Variants in ANKRD26 observed in about 807,000 individuals in gnomAD.
ANKRD26 encodes the protein ankyrin repeat domain 26.
Under a neutral mutation model 208.7 loss-of-function variants are expected in ANKRD26, and 141 were observed. The ratio of observed to expected loss-of-function variants is 0.68; its 90% CI spans 0.59 to 0.78. The LOEUF (loss-of-function observed/expected upper bound fraction) is 0.78. Among genes scored for constraint, ANKRD26 ranks in the 30% least tolerant of loss-of-function variants. The pLI is 0.00. For synonymous variants in ANKRD26, 636 were observed against 660.4 expected (o/e 0.96, Z 0.57); for missense variants, 1,889 against 1,938.7 (o/e 0.97, Z 0.48).
At chr10:27,030,530 G>A (rs1464818113) in intron 25 of ANKRD26, 11 of 985,230 alleles carry the variant, frequency 1.1e-5, no homozygotes, top group Admixed American at 6.2e-5. Flanking sequence ...AGGTTATGTC[G>A]TACGGTGTAG....
chr10:27,057,721 G>A (rs111872797), intron 15 of ANKRD26, among the ~76,000 whole-genome samples: 12,178 of 152,132 alleles, frequency 0.08, 627 homozygotes, highest in African/African-American at 0.15. Flanking sequence ...GGTGGATCAC[G>A]AGGTCAAGAG....
chr10:26,951,336 AC>A, the ANKRD26 span, among the ~76,000 whole-genome samples: 1 of 152,038 alleles, frequency 6.6e-6, no homozygotes, highest in Admixed American at 6.6e-5. Context: ...TGGGGTACTT[AC>A]GTTATTTAAT....
rs548630374 is a variant in ANKRD26 at position 26,986,311 on chromosome 10, A to T, written c.490-3498T>A. Among the ~76,000 whole-genome samples the T allele has an allele frequency of 2.6e-5, 4 of 152,366 alleles. No homozygotes were observed. The East Asian group carries it at 5.8e-4, about 22-fold the overall frequency. On this transcript the variant is annotated intron_variant and NMD_transcript_variant, in intron 3 of 5. Transcript: ENST00000674670. ...GAATAAAGACTTAAATGTTAAACCT[A>T]AAACCATAAAAACCCTAGAAGAAAA...
chr10:27,093,708 C>T lies in ANKRD26; in HGVS notation c.334G>A (p.Glu112Lys), dbSNP rs766072180. The change falls in exon 2 of 34, where the codon GAA becomes AAA. Residue 112 changes from glutamate (E) to lysine (K), a missense_variant. Around this residue, in one of 3 missense-constraint regions of ANKRD26, gnomAD observed 1,272 missense variants for 1,273.8 expected, o/e 1.00. Transcript: ENST00000376087. Reference protein sequence around the residue: ...RKCQLNVCDNENRTALMKAVQ... With the variant: ...RKCQLNVCDNKNRTALMKAVQ... ...ACCTTCATCAGAGCTGTCCTGTTTT[C>T]GTTGTCACAGACATTGAGCTGGCAT... The T allele has an allele frequency of 1.5e-5, 24 of 1,614,030 alleles. No individual in the cohort carries two copies. The Admixed American group carries it at 1.5e-4, about 10-fold the overall frequency.
the ANKRD26 span, among the ~76,000 whole-genome samples, chr10:26,965,241 C>G: frequency 0.1 from 15,518 of 152,006 alleles, 1,420 homozygotes; most frequent in East Asian, 0.48. Flanking sequence ...ATACTACAAG[C>G]CTACAGTAAC....
At chr10:27,023,477 C>A (rs1399462839) in intron 28 of ANKRD26, among the ~76,000 whole-genome samples, 1 of 147,960 alleles carries the variant, frequency 6.8e-6, no homozygotes, top group Non-Finnish European at 1.5e-5. Context: ...ACACAAAAAA[C>A]ATCAAGATCA....
At chr10:26,992,250 C>T (rs1191049387) in intron 5 of ANKRD26, among the ~76,000 whole-genome samples, 1 of 152,090 alleles carries the variant, frequency 6.6e-6, no homozygotes, top group African/African-American at 2.4e-5. Context: ...TTCTTTTCCT[C>T]TTACATTTTC....
At chr10:27,077,793 C>A (rs562547477) in intron 7 of ANKRD26, 100 bp from the exon 8 acceptor site, 225 of 1,063,780 alleles carry the variant, frequency 2.1e-4, no homozygotes, top group Non-Finnish European at 3.1e-4. Flanking sequence ...TGATCTAACA[C>A]AAAGAACAAA....
At chr10:27,042,819 A>T (rs2054301134) in intron 20 of ANKRD26, among the ~76,000 whole-genome samples, 1 of 141,318 alleles carries the variant, frequency 7.1e-6, no homozygotes, top group Non-Finnish European at 1.5e-5. Flanking sequence ...AAAAAAAAAA[A>T]GCTGGGTGTG....
chr10:27,011,167 C>T (rs761043324), intron 32 of ANKRD26, among the ~76,000 whole-genome samples: 19 of 152,144 alleles, frequency 1.2e-4, no homozygotes, highest in Admixed American at 2.6e-4. Flanking sequence ...CTTAAGCTAA[C>T]GTGCACTGAT....
intron 9 of ANKRD26, among the ~76,000 whole-genome samples, chr10:27,071,072 G>A (rs1460183337): frequency 6.6e-6 from 1 of 151,138 alleles, no homozygotes. Flanking sequence ...TTCATTTGGT[G>A]TATGCGTATG....
chr10:27,014,671 T>C lies in ANKRD26; in HGVS notation c.4547A>G (p.Glu1516Gly). Reference sequence around the variant, plus strand: ...ACTTTTCATTGAAGCAAAATTATTCTCTCTAAACTGCTCTAAGTTTTCTTG... The same window carrying C: ...ACTTTTCATTGAAGCAAAATTATTCCCTCTAAACTGCTCTAAGTTTTCTTG... ...ASQENLEQFR[E>G]NNFASMKSQM... is the part of the protein sequence containing the mutation. The change falls in exon 31 of 34, where the codon GAG becomes GGG. Residue 1516 changes from glutamate (E) to glycine (G), a missense_variant. Transcript: ENST00000376087. The C allele has an allele frequency of 6.2e-7, 1 of 1,613,286 alleles. No individual in the cohort carries two copies. Among genetic ancestry groups the C allele is most frequent in the Non-Finnish European group, 8.5e-7 (1 of 1,179,800 alleles).
intron 4 of ANKRD26, among the ~76,000 whole-genome samples, chr10:27,088,851 T>A (rs764631073): frequency 4.1e-4 from 63 of 152,130 alleles, no homozygotes; most frequent in Non-Finnish European, 7.8e-4. Flanking sequence ...AAAGCCTCCA[T>A]GGGTAACTTA....
chr10:26,998,786 G>A (rs2052653327), intron 4 of ANKRD26, among the ~76,000 whole-genome samples: 2 of 152,216 alleles, frequency 1.3e-5, no homozygotes, highest in African/African-American at 4.8e-5. Flanking sequence ...GGGGCTGTCA[G>A]AGAATCAGCA....
At chr10:27,084,903 CT>C (rs1238033670) in intron 5 of ANKRD26, among the ~76,000 whole-genome samples, 1 of 148,682 alleles carries the variant, frequency 6.7e-6, no homozygotes, top group African/African-American at 2.5e-5. Context: ...TCTGTACTTA[CT>C]TTTTTTTTCC....
chr10:27,069,361 T>C (rs1393939728), intron 9 of ANKRD26, among the ~76,000 whole-genome samples: 1 of 152,124 alleles, frequency 6.6e-6, no homozygotes, highest in African/African-American at 2.4e-5. Flanking sequence ...TTTACTAGGA[T>C]GGGGAAACCA....
intron 29 of ANKRD26, among the ~76,000 whole-genome samples, chr10:27,020,781 C>T (rs761415562): frequency 6.6e-6 from 1 of 152,174 alleles, no homozygotes; most frequent in Non-Finnish European, 1.5e-5. Context: ...GCCTCAGCCT[C>T]CAGAGTAGCT....
chr10:26,998,001 G>A (rs1342209700), intron 4 of ANKRD26, among the ~76,000 whole-genome samples: 1 of 152,100 alleles, frequency 6.6e-6, no homozygotes, highest in African/African-American at 2.4e-5. Context: ...CTGGTGTTGG[G>A]TCTGATTACC....
At chr10:26,948,814 C>T in the ANKRD26 span, among the ~76,000 whole-genome samples, 1 of 152,004 alleles carries the variant, frequency 6.6e-6, no homozygotes, top group Admixed American at 6.6e-5. Flanking sequence ...ATGGTGAAAC[C>T]CTTTCTCTAC....
Sources: gnomAD v4.1 joint callset for allele counts (sites outside exome capture counted in the v4.1 genomes callset) on GRCh38, gnomAD v4.1.1 for gene constraint, gnomAD v4.1.1 regional missense constraint, MANE v1.5 for transcripts, NCBI Gene and HGNC (gene_info 2026-07-23, HGNC 2026-07-21) for gene names.